The following MAST4 variants were observed in gnomAD, a reference collection of about 807,000 sequenced individuals.
MAST4 encodes microtubule-associated serine/threonine-protein kinase 4.
Under a neutral mutation model 162.7 loss-of-function variants are expected in MAST4, and 89 were observed. That is an observed-to-expected ratio of 0.55 (90% confidence interval 0.46 to 0.65). MAST4 has a LOEUF of 0.65. MAST4 is among the 30% of genes least tolerant of loss of function. The pLI, the probability that MAST4 is intolerant of heterozygous loss-of-function variation, is 0.00. For synonymous variants in MAST4, 1,479 were observed against 1,361.1 expected (o/e 1.09, Z -1.91); for missense variants, 3,153 against 3,374.0 (o/e 0.93, Z 1.62).
intron 19 of MAST4, among the ~76,000 whole-genome samples, chr5:67,137,041 T>A (rs1227242605): frequency 2.0e-5 from 3 of 152,224 alleles, no homozygotes; most frequent in Non-Finnish European, 4.4e-5. Context: ...TTTGGAACTC[T>A]TTTTGTTTTT....
chr5:67,049,536 T>C (rs1757910408), intron 4 of MAST4, among the ~76,000 whole-genome samples: 2 of 152,196 alleles, frequency 1.3e-5, no homozygotes, highest in South Asian at 2.1e-4. Context: ...AGTTAGCAGA[T>C]GTTCATGGAC....
At chr5:67,083,547 C>T (rs1176673881) in intron 5 of MAST4, among the ~76,000 whole-genome samples, 1 of 152,028 alleles carries the variant, frequency 6.6e-6, no homozygotes, top group Non-Finnish European at 1.5e-5. Flanking sequence ...ATAATATCCA[C>T]CCTTCTTCTA....
intron 1 of MAST4, among the ~76,000 whole-genome samples, chr5:66,742,922 G>C (rs1424909499): frequency 1.3e-5 from 2 of 152,172 alleles, no homozygotes; most frequent in African/African-American, 4.8e-5. Context: ...AGTAGAATAG[G>C]AAGAAAAGTT....
At chr5:66,809,331 C>G (rs534259960) in intron 3 of MAST4, among the ~76,000 whole-genome samples, 1 of 152,158 alleles carries the variant, frequency 6.6e-6, no homozygotes, top group Non-Finnish European at 1.5e-5. Context: ...ACTAGAGGAG[C>G]CTTAATGGTC....
intron 4 of MAST4, among the ~76,000 whole-genome samples, chr5:66,970,402 T>G (rs888719880): frequency 9.9e-5 from 15 of 152,212 alleles, no homozygotes; most frequent in African/African-American, 3.6e-4. Flanking sequence ...AAATGGGTAT[T>G]ATAAGCTCAT....
At chr5:66,822,273 G>T (rs1199890189) in intron 3 of MAST4, among the ~76,000 whole-genome samples, 1 of 152,136 alleles carries the variant, frequency 6.6e-6, no homozygotes, top group Non-Finnish European at 1.5e-5. Context: ...AGAACAGAGT[G>T]AGCAGCCTTG....
chr5:66,602,656 G>C lies in MAST4; in HGVS notation c.363+5638G>C, dbSNP rs147708684. Reference sequence around the variant, plus strand: ...GGCTTGGCCTTAGAAAAAGCTGAGTGGGGGCTAGGGGGTGTGCATCTTAGA... The same window carrying C: ...GGCTTGGCCTTAGAAAAAGCTGAGTCGGGGCTAGGGGGTGTGCATCTTAGA... On this transcript the variant is annotated intron_variant, in intron 1 of 28. Transcript: ENST00000403625. Among the ~76,000 whole-genome samples, 55 of 152,246 alleles carry C rather than the reference G, an allele frequency of 3.6e-4. No homozygotes were observed. In the East Asian group the frequency reaches 0.01, roughly 28 times the overall value.
chr5:67,136,021 CCTGT>C (rs1221138584), intron 18 of MAST4, among the ~76,000 whole-genome samples: 4 of 150,528 alleles, frequency 2.7e-5, no homozygotes, highest in Non-Finnish European at 4.4e-5. Context: ...AGCACTTTGA[CCTGT>C]TTGTTTGTTT....
chr5:66,669,231 TG>T (rs1238535686), intron 1 of MAST4, among the ~76,000 whole-genome samples: 1 of 152,162 alleles, frequency 6.6e-6, no homozygotes, highest in Non-Finnish European at 1.5e-5. Context: ...TCTAGGTGGA[TG>T]TGCTCTGGGG....
At chr5:67,002,742 T>A (rs1402648084) in intron 4 of MAST4, among the ~76,000 whole-genome samples, 1 of 152,114 alleles carries the variant, frequency 6.6e-6, no homozygotes, top group Non-Finnish European at 1.5e-5. Flanking sequence ...GGACCCCATA[T>A]TGCAGCTGGG....
intron 3 of MAST4, among the ~76,000 whole-genome samples, chr5:66,816,791 T>C (rs1304729914): frequency 6.6e-6 from 1 of 152,192 alleles, no homozygotes; most frequent in Non-Finnish European, 1.5e-5. Flanking sequence ...TCCATTAGAC[T>C]TGGGATTTCT....
intron 1 of MAST4, among the ~76,000 whole-genome samples, chr5:66,718,075 TAAAA>T (rs141762357): frequency 6.7e-6 from 1 of 149,580 alleles, no homozygotes; most frequent in Non-Finnish European, 1.5e-5. Context: ...CTGTGTGCTT[TAAAA>T]AAAAAATGTC....
At chr5:66,691,160 C>T (rs1749015200) in intron 1 of MAST4, among the ~76,000 whole-genome samples, 1 of 151,990 alleles carries the variant, frequency 6.6e-6, no homozygotes, top group Non-Finnish European at 1.5e-5. Context: ...TAGACTAGAT[C>T]GGTTTTCTTC....
At chr5:66,603,046 A>G (rs1298852072) in intron 1 of MAST4, among the ~76,000 whole-genome samples, 2 of 152,204 alleles carry the variant, frequency 1.3e-5, no homozygotes, top group African/African-American at 2.4e-5. Flanking sequence ...TGGTTTATGC[A>G]GGGTATTGGT....
intron 4 of MAST4, among the ~76,000 whole-genome samples, chr5:66,933,757 G>A (rs1290440658): frequency 6.6e-6 from 1 of 152,020 alleles, no homozygotes; most frequent in Non-Finnish European, 1.5e-5. Flanking sequence ...ATATTTAGAG[G>A]CATTCTTCTA....
At chr5:66,751,414 T>G (rs992476730) in intron 1 of MAST4, among the ~76,000 whole-genome samples, 1 of 152,040 alleles carries the variant, frequency 6.6e-6, no homozygotes, top group Admixed American at 6.5e-5. Context: ...TAGAAGAATG[T>G]ATAACTAGAA....
At chr5:67,104,682 G>C in intron 10 of MAST4, 107 bp downstream of exon 10, 45 of 520,600 alleles carry the variant, frequency 8.6e-5, no homozygotes, top group Non-Finnish European at 1.1e-4. Context: ...ACATTCCAGA[G>C]AAGCAAAAAA....
At chr5:67,027,830 G>A (rs2150415960) in intron 4 of MAST4, among the ~76,000 whole-genome samples, 1 of 152,298 alleles carries the variant, frequency 6.6e-6, no homozygotes, top group Non-Finnish European at 1.5e-5. Flanking sequence ...AAGATATGCA[G>A]AGGAGATTTC....
At chr5:66,775,394 G>C (rs1271560412) in intron 2 of MAST4, among the ~76,000 whole-genome samples, 1 of 152,068 alleles carries the variant, frequency 6.6e-6, no homozygotes, top group African/African-American at 2.4e-5. Context: ...AAAACATGAG[G>C]CATTGACCCT....
Sources: allele counts gnomAD v4.1 joint callset (sites outside exome capture counted in the v4.1 genomes callset), GRCh38; gene constraint gnomAD v4.1.1; transcripts MANE v1.5; gene names NCBI Gene and HGNC (gene_info 2026-07-23, HGNC 2026-07-21).